Variants in ZNF704 observed in about 807,000 individuals in gnomAD.
ZNF704 encodes the protein zinc finger protein 704, also known as glucocorticoid induced gene 1.
Under a neutral mutation model 44.7 loss-of-function variants are expected in ZNF704, and 10 were observed. The ratio of observed to expected loss-of-function variants is 0.22; its 90% confidence interval spans 0.14 to 0.38. The LOEUF (loss-of-function observed/expected upper bound fraction) is 0.38. ZNF704 is among the 10% of genes least tolerant of loss of function. The pLI is 1.00. For synonymous variants in ZNF704, 211 were observed against 207.6 expected (o/e 1.02, Z -0.14); for missense variants, 390 against 545.5 (o/e 0.71, Z 2.84).
At chr8:80,693,266 T>C (rs1818670348) in intron 2 of ZNF704, among the ~76,000 whole-genome samples, 159 bp from the exon 3 acceptor site, 1 of 152,202 alleles carries the variant, frequency 6.6e-6, no homozygotes, top group Non-Finnish European at 1.5e-5. Context: ...CTGAAGCCCA[T>C]GAAGTGAAGT....
intron 2 of ZNF704, among the ~76,000 whole-genome samples, chr8:80,798,560 G>A (rs1380627361): frequency 2.6e-5 from 4 of 152,096 alleles, no homozygotes; most frequent in Admixed American, 6.6e-5. Flanking sequence ...CGGCCCTGGT[G>A]TCCATATTTC....
intron 2 of ZNF704, among the ~76,000 whole-genome samples, chr8:80,819,678 A>G (rs1808235953): frequency 6.6e-6 from 1 of 152,298 alleles, no homozygotes; most frequent in South Asian, 2.1e-4. Context: ...ATGTTTCACA[A>G]CCATGCCACA....
intron 2 of ZNF704, among the ~76,000 whole-genome samples, chr8:80,806,879 GC>G (rs1807998972): frequency 6.6e-6 from 1 of 152,154 alleles, no homozygotes; most frequent in African/African-American, 2.4e-5. Flanking sequence ...GCAATATAGG[GC>G]CATACTGTCC....
chr8:80,733,651 T>C (rs1044934282), intron 2 of ZNF704, among the ~76,000 whole-genome samples: 1 of 152,182 alleles, frequency 6.6e-6, no homozygotes, highest in African/African-American at 2.4e-5. Context: ...TATTCCCTTA[T>C]CCTACAGGGC....
intron 2 of ZNF704, among the ~76,000 whole-genome samples, chr8:80,712,496 T>C (rs1393172298): frequency 6.6e-6 from 1 of 152,116 alleles, no homozygotes; most frequent in African/African-American, 2.4e-5. Flanking sequence ...TGGAAATGAA[T>C]GGGCACATCT....
At chr8:80,785,798 C>T (rs759543007) in intron 2 of ZNF704, among the ~76,000 whole-genome samples, 1 of 152,122 alleles carries the variant, frequency 6.6e-6, no homozygotes, top group Admixed American at 6.6e-5. Context: ...AATCATTTTT[C>T]CAGGCCCTGA....
At chr8:80,861,699 G>C (rs1216155689) in intron 1 of ZNF704, among the ~76,000 whole-genome samples, 3 of 151,592 alleles carry the variant, frequency 2.0e-5, no homozygotes, top group Non-Finnish European at 4.4e-5. Flanking sequence ...TGTACCCCTT[G>C]GTATGCTCCC....
At chr8:80,726,509 T>A (rs529679369) in intron 2 of ZNF704, among the ~76,000 whole-genome samples, 21 of 152,116 alleles carry the variant, frequency 1.4e-4, no homozygotes, top group African/African-American at 4.8e-4. Flanking sequence ...AAAAATAACA[T>A]CCTTTTCTGT....
intron 2 of ZNF704, among the ~76,000 whole-genome samples, chr8:80,760,492 C>T (rs913602468): frequency 1.1e-4 from 16 of 151,836 alleles, no homozygotes; most frequent in Admixed American, 1.3e-4. Flanking sequence ...CCTGTCTCTA[C>T]TAAAAATACA....
intron 6 of ZNF704, among the ~76,000 whole-genome samples, chr8:80,661,070 T>C (rs1012905070): frequency 6.6e-6 from 1 of 152,172 alleles, no homozygotes; most frequent in Admixed American, 6.5e-5. Context: ...CTATCCAGAA[T>C]ATACAATGAA....
chr8:80,683,782 T>C (rs575371476), intron 4 of ZNF704, among the ~76,000 whole-genome samples: 21 of 152,364 alleles, frequency 1.4e-4, no homozygotes, highest in East Asian at 5.8e-4. Context: ...TCACTACTGA[T>C]AGTAAGAGAG....
At position 80,635,200 on chromosome 8, in the gene ZNF704, G is replaced by A. The variant is rs184347738; in HGVS notation, c.*6166C>T. The A allele has an allele frequency of 8.5e-5, 13 of 152,226 alleles. No individual in the cohort carries two copies. The highest frequency in any genetic ancestry group is 2.6e-4 in the Admixed American group (4 of 15,298). 9.4% of individuals were successfully genotyped at this position (152,226 alleles called of 1,614,324 possible). On this transcript the variant is annotated 3_prime_UTR_variant, in exon 9 of 9. Transcript: ENST00000327835. ...GCTTTCTTGTTTTAACAGTGAGTGG[G>A]CTTGAAAAAACTGTACAGCATTATG...
At chr8:80,865,763 AG>A (rs1809144882) in intron 1 of ZNF704, among the ~76,000 whole-genome samples, 1 of 152,178 alleles carries the variant, frequency 6.6e-6, no homozygotes, top group Admixed American at 6.5e-5. Context: ...AGCAGTGCCC[AG>A]GCAGCACTCT....
At chr8:80,730,034 C>T (rs913886402) in intron 2 of ZNF704, among the ~76,000 whole-genome samples, 1 of 152,146 alleles carries the variant, frequency 6.6e-6, no homozygotes, top group African/African-American at 2.4e-5. Flanking sequence ...TTGACATGAA[C>T]AACACCAACA....
chr8:80,736,591 G>A (rs190740997), intron 2 of ZNF704, among the ~76,000 whole-genome samples: 14 of 152,112 alleles, frequency 9.2e-5, no homozygotes, highest in East Asian at 3.9e-4. Flanking sequence ...GTCCTTTATC[G>A]TGGCTGCCCA....
In ZNF704 at chr8:80,633,542, C is replaced by G. The variant is rs73691953; in HGVS notation, c.*7824G>C. ...CATGGTGGGTCCCTGGGTCTTCTTA[C>G]GTCCCTAGTCAGTCTGGAAGACTAA... On this transcript the variant is annotated 3_prime_UTR_variant, in exon 9 of 9. Coordinates refer to ENST00000327835, the MANE Select transcript of ZNF704 (RefSeq NM_001033723.3). 0.051 allele frequency: 7,743 copies of G among 152,206 alleles called. 672 individuals are homozygous for G. The highest frequency in any genetic ancestry group is 0.17 in the African/African-American group (7,253 of 41,476). The allele number at this position is 152,206 out of a possible 1,614,324, so 9.4% of individuals were successfully genotyped here. A position where few individuals can be genotyped will look rare whatever the true frequency, so the allele number is the denominator to read the frequency against.
intron 2 of ZNF704, among the ~76,000 whole-genome samples, chr8:80,733,757 CCT>C (rs1241630065): frequency 6.6e-6 from 1 of 152,202 alleles, no homozygotes; most frequent in Non-Finnish European, 1.5e-5. Flanking sequence ...GGCAGATTCA[CCT>C]CTCTATTTCT....
chr8:80,810,096 CTTAA>C (rs1180686273), intron 2 of ZNF704, among the ~76,000 whole-genome samples: 7 of 152,172 alleles, frequency 4.6e-5, no homozygotes, highest in Non-Finnish European at 1.0e-4. Context: ...ACATCTGCCT[CTTAA>C]TTATTCTTTC....
intron 2 of ZNF704, among the ~76,000 whole-genome samples, chr8:80,716,468 G>A (rs565077659): frequency 1.2e-4 from 18 of 152,292 alleles, no homozygotes; most frequent in Admixed American, 2.0e-4. Context: ...TCCTTGGATC[G>A]TCCCAAGACA....
Sources: allele counts gnomAD v4.1 joint callset (sites outside exome capture counted in the v4.1 genomes callset), GRCh38; gene constraint gnomAD v4.1.1; transcripts MANE v1.5; gene names NCBI Gene and HGNC (gene_info 2026-07-23, HGNC 2026-07-21).